The following RIMS2 variants were observed in gnomAD, a reference collection of about 807,000 sequenced individuals.
RIMS2 encodes regulating synaptic membrane exocytosis 2.
Under a neutral mutation model 174.4 loss-of-function variants are expected in RIMS2, and 59 were observed. That is an observed-to-expected ratio of 0.34 (90% CI 0.27 to 0.42). The LOEUF (loss-of-function observed/expected upper bound fraction) is 0.42. Among genes scored for constraint, RIMS2 ranks in the 10% least tolerant of loss-of-function variants. The pLI, the probability that RIMS2 is intolerant of heterozygous loss-of-function variation, is 1.00. For synonymous variants in RIMS2, 606 were observed against 572.5 expected, an observed-to-expected ratio of 1.06 and a Z score of -0.84; for missense variants, 1,620 against 1,666.3, an observed-to-expected ratio of 0.97 and a Z score of 0.48.
chr8:103,940,699 A>T (rs2082325410), intron 13 of RIMS2, among the ~76,000 whole-genome samples: 1 of 151,942 alleles, frequency 6.6e-6, no homozygotes. Context: ...AGTGTGGCAA[A>T]AACCTGTCTC....
chr8:103,565,876 C>G (rs1233302273), intron 1 of RIMS2, among the ~76,000 whole-genome samples: 8 of 152,026 alleles, frequency 5.3e-5, no homozygotes, highest in Admixed American at 5.2e-4. Flanking sequence ...TATTTTTTGT[C>G]AAGTGAAAGT....
In RIMS2 at chr8:103,639,175, A is replaced by G. The variant is rs576888822; in HGVS notation, c.177-57911A>G. Among the ~76,000 whole-genome samples, 85 of 152,078 alleles carry G rather than the reference A, an allele frequency of 5.6e-4. 1 individual carries two copies. The highest frequency in any genetic ancestry group is 3.4e-3 in the Middle Eastern group (1 of 294). On this transcript the variant is annotated intron_variant, in intron 1 of 23. Coordinates refer to ENST00000504942, the Ensembl canonical transcript of RIMS2. ...TTTGTCTTTGGTATTACAGTTATCT[A>G]GTTAAAATATCCTTTCCTAATGTTC...
At chr8:103,741,512 A>T (rs1422086583) in intron 2 of RIMS2, among the ~76,000 whole-genome samples, 1 of 152,072 alleles carries the variant, frequency 6.6e-6, no homozygotes, top group Non-Finnish European at 1.5e-5. Context: ...AATTGAAGAC[A>T]CCAGGCTTGC....
At chr8:104,065,810 C>T (rs1163311508) in intron 19 of RIMS2, among the ~76,000 whole-genome samples, 4 of 152,204 alleles carry the variant, frequency 2.6e-5, no homozygotes, top group Non-Finnish European at 5.9e-5. Context: ...ATGATTGGGT[C>T]TGGAGATGAG....
intron 3 of RIMS2, among the ~76,000 whole-genome samples, chr8:103,804,535 C>T (rs1477346696): frequency 6.6e-6 from 1 of 152,116 alleles, no homozygotes. Flanking sequence ...CTGCTTTTGT[C>T]CTTGAGTTTG....
intron 19 of RIMS2, among the ~76,000 whole-genome samples, chr8:104,140,071 T>C (rs578060669): frequency 3.3e-5 from 5 of 152,204 alleles, no homozygotes; most frequent in Non-Finnish European, 7.3e-5. Flanking sequence ...CATTGATTGA[T>C]TTACATATGT....
intron 19 of RIMS2, among the ~76,000 whole-genome samples, chr8:104,148,169 C>CTTTT (rs60928884): frequency 5.2e-5 from 6 of 116,382 alleles, no homozygotes; most frequent in Non-Finnish European, 9.0e-5. Flanking sequence ...TATTATCAGC[C>CTTTT]TTTTTTTTTT....
At chr8:103,876,909 T>TACATACACAC (rs2099143285) in intron 3 of RIMS2, among the ~76,000 whole-genome samples, 1 of 66,112 alleles carries the variant, frequency 1.5e-5, no homozygotes, top group Non-Finnish European at 3.6e-5. Flanking sequence ...TATATATATA[T>TACATACACAC]ACACACACAC....
At chr8:103,773,884 A>C (rs1446879132) in intron 3 of RIMS2, among the ~76,000 whole-genome samples, 1 of 152,000 alleles carries the variant, frequency 6.6e-6, no homozygotes, top group Non-Finnish European at 1.5e-5. Context: ...TAAAACATTT[A>C]AAATTGTATA....
intron 19 of RIMS2, among the ~76,000 whole-genome samples, chr8:104,165,483 TTC>T: frequency 6.6e-6 from 1 of 152,114 alleles, no homozygotes; most frequent in South Asian, 2.1e-4. Flanking sequence ...ATATACTTTT[TTC>T]TGTTTTTTTT....
At chr8:104,011,368 T>C (rs1240153293) in intron 17 of RIMS2, among the ~76,000 whole-genome samples, 1 of 152,146 alleles carries the variant, frequency 6.6e-6, no homozygotes, top group Admixed American at 6.6e-5. Context: ...ATTTAATATA[T>C]ACTTTGTATT....
At chr8:103,582,701 C>T (rs893029136) in intron 1 of RIMS2, among the ~76,000 whole-genome samples, 6 of 152,000 alleles carry the variant, frequency 3.9e-5, no homozygotes, top group South Asian at 2.1e-4. Flanking sequence ...GGCTCCTCTG[C>T]CTTTGGAAAG....
intron 3 of RIMS2, among the ~76,000 whole-genome samples, chr8:103,778,608 A>G (rs1019774092): frequency 6.6e-6 from 1 of 152,176 alleles, no homozygotes; most frequent in African/African-American, 2.4e-5. Flanking sequence ...TTATGGCCAA[A>G]TAATATTCCA....
chr8:104,229,954 A>G (rs1563890016), intron 19 of RIMS2, among the ~76,000 whole-genome samples: 1 of 152,224 alleles, frequency 6.6e-6, no homozygotes, highest in Non-Finnish European at 1.5e-5. Flanking sequence ...CTGGATCACC[A>G]AGAACAAAGG....
intron 19 of RIMS2, among the ~76,000 whole-genome samples, chr8:104,134,469 A>C (rs574260078): frequency 6.6e-6 from 1 of 152,324 alleles, no homozygotes; most frequent in Admixed American, 6.5e-5. Context: ...CATCTCAAAA[A>C]CAAACAAACA....
At chr8:103,536,867 A>G (rs1434209171) in intron 1 of RIMS2, among the ~76,000 whole-genome samples, 1 of 152,228 alleles carries the variant, frequency 6.6e-6, no homozygotes, top group Non-Finnish European at 1.5e-5. Flanking sequence ...TCACACTTTG[A>G]ATAATGTCTA....
chr8:103,586,337 A>G (rs2093920105), intron 1 of RIMS2, among the ~76,000 whole-genome samples: 2 of 152,334 alleles, frequency 1.3e-5, no homozygotes, highest in South Asian at 2.1e-4. Context: ...AAGATAGACT[A>G]TATGTTGGGT....
At chr8:103,914,475 A>G (rs907248011) in intron 6 of RIMS2, among the ~76,000 whole-genome samples, 4 of 152,336 alleles carry the variant, frequency 2.6e-5, no homozygotes, top group South Asian at 4.1e-4. Context: ...GATATCAATA[A>G]TCATTATAGC....
intron 1 of RIMS2, among the ~76,000 whole-genome samples, chr8:103,569,455 G>C (rs1203842118): frequency 6.6e-6 from 1 of 152,082 alleles, no homozygotes; most frequent in Non-Finnish European, 1.5e-5. Flanking sequence ...AGGGAATATT[G>C]CTGTCTTAAC....
Sources: allele counts gnomAD v4.1 joint callset (sites outside exome capture counted in the v4.1 genomes callset), GRCh38; gene constraint gnomAD v4.1.1; transcripts MANE v1.5; gene names NCBI Gene and HGNC (gene_info 2026-07-23, HGNC 2026-07-21).